PAQR5: variants seen among roughly 807,000 people sequenced by gnomAD.
PAQR5 encodes the protein progestin and adipoQ receptor family member 5.
A neutral mutation model predicts 34.5 loss-of-function variants in PAQR5; 20 were observed. The ratio of observed to expected loss-of-function variants is 0.58; its 90% CI spans 0.41 to 0.84. PAQR5 has a LOEUF of 0.84. PAQR5 is among the 40% of genes least tolerant of loss of function. The probability of loss-of-function intolerance (pLI) is 0.00; values close to 1 mark genes in which losing one functional copy is unlikely to be tolerated. For missense variants in PAQR5, 378 were observed against 412.7 expected (o/e 0.92, Z 0.73); for synonymous variants, 131 against 155.6 (o/e 0.84, Z 1.18).
At chr15:69,394,668 C>T (rs1166953728) in intron 6 of PAQR5, among the ~76,000 whole-genome samples, 1 of 152,210 alleles carries the variant, frequency 6.6e-6, no homozygotes, top group Non-Finnish European at 1.5e-5. Flanking sequence ...TCCTCTATAG[C>T]AGCCCCTTAG....
chr15:69,384,113 G>A (rs1366704787), intron 4 of PAQR5, among the ~76,000 whole-genome samples: 2 of 135,846 alleles, frequency 1.5e-5, no homozygotes, highest in Non-Finnish European at 3.2e-5. Flanking sequence ...TGGAGGGTGA[G>A]TGGGCCTCTG....
intron 6 of PAQR5, among the ~76,000 whole-genome samples, chr15:69,390,011 T>G (rs555762564): frequency 1.3e-5 from 2 of 152,160 alleles, no homozygotes; most frequent in Non-Finnish European, 2.9e-5. Context: ...TCTGCTGCCT[T>G]TTTTTGTTTT....
chr15:69,318,405 T>C (rs894364217), intron 1 of PAQR5, among the ~76,000 whole-genome samples: 3 of 152,202 alleles, frequency 2.0e-5, no homozygotes, highest in African/African-American at 4.8e-5. Context: ...CCCTCAGAGA[T>C]GTCTGTCTCC....
At chr15:69,309,512 TGAA>T (rs1056815245) in intron 1 of PAQR5, among the ~76,000 whole-genome samples, 1 of 151,598 alleles carries the variant, frequency 6.6e-6, no homozygotes, top group Non-Finnish European at 1.5e-5. Context: ...GAGGAGAGAG[TGAA>T]GAAGCCAGAA....
chr15:69,312,795 A>T (rs870334), intron 1 of PAQR5, among the ~76,000 whole-genome samples: 62,787 of 151,340 alleles, frequency 0.41, 13,271 homozygotes, highest in African/African-American at 0.52. Flanking sequence ...ATGGCATTGC[A>T]GTACTGAAGC....
chr15:69,304,484 A>C (rs920229590), intron 1 of PAQR5, among the ~76,000 whole-genome samples: 2 of 152,218 alleles, frequency 1.3e-5, no homozygotes, highest in African/African-American at 2.4e-5. Context: ...GCAGGATGGC[A>C]GTGAGGATCC....
chr15:69,386,721 G>A (rs956993276), intron 5 of PAQR5, among the ~76,000 whole-genome samples: 5 of 151,694 alleles, frequency 3.3e-5, no homozygotes, highest in Non-Finnish European at 7.4e-5. Flanking sequence ...CACACGATCC[G>A]GCTCCCCAGA....
At chr15:69,341,353 CTTTTTTT>C (rs370642387) in intron 2 of PAQR5, among the ~76,000 whole-genome samples, 4 of 117,716 alleles carry the variant, frequency 3.4e-5, no homozygotes, top group Non-Finnish European at 6.6e-5. Context: ...AATTCTATTC[CTTTTTTT>C]TTTTTTTTTT....
rs1394931369 is a variant in PAQR5, at chr15:69,389,787, G to T, written c.512+7G>T. The T allele has an allele frequency of 6.2e-7, 1 of 1,613,884 alleles. No individual in the cohort carries two copies. Among genetic ancestry groups the T allele is most frequent in the African/African-American group, 1.3e-5 (1 of 74,906 alleles). ...GCCTCTCCTGCTACTCCAGGTACTG[G>T]TCGCTCTGACCTCAGATGGGAGGGG... On this transcript the variant is annotated splice_region_variant and intron_variant, in intron 6 of 8. Coordinates refer to ENST00000395407, the MANE Select transcript of PAQR5 (RefSeq NM_017705.4).
At chr15:69,328,298 A>T (rs1055034166) in intron 1 of PAQR5, among the ~76,000 whole-genome samples, 2 of 152,238 alleles carry the variant, frequency 1.3e-5, no homozygotes, top group Non-Finnish European at 2.9e-5. Flanking sequence ...TTTATAAGCT[A>T]AGGATAGAGA....
In PAQR5 at chr15:69,400,708, G is replaced by A. The variant is rs2056601331; in HGVS notation, c.751+593G>A. Among the ~76,000 whole-genome samples the A allele has an allele frequency of 1.3e-5, 2 of 152,148 alleles. 1 individual carries two copies. Among genetic ancestry groups the A allele is most frequent in the South Asian group, 4.1e-4 (2 of 4,824 alleles). Reference sequence around the variant, plus strand: ...AAAGTACATTGGGAGCAGCCGAGGAGAGGAAGAGGAAAGAAAGGATGAAGA... The same window carrying A: ...AAAGTACATTGGGAGCAGCCGAGGAAAGGAAGAGGAAAGAAAGGATGAAGA... On this transcript the variant is annotated intron_variant, in intron 8 of 8. Transcript: ENST00000395407.
At position 69,403,764 on chromosome 15, in the gene PAQR5, A is replaced by G; in HGVS notation, c.935A>G (p.Tyr312Cys). 6.2e-7 allele frequency: 1 copy of G among 1,613,982 alleles called. No homozygotes were observed. Among genetic ancestry groups the G allele is most frequent in the South Asian group, 1.1e-5 (1 of 91,080 alleles). Reference protein sequence around the residue: ...CIIFSLSNIIYFSAALYRIPK... With the variant: ...CIIFSLSNIICFSAALYRIPK... ...ATCTTCAGCCTCAGCAACATAATTTATTTCTCAGCTGCTCTGTATCGGATT... is the reference window on the plus strand; with the variant it reads ...ATCTTCAGCCTCAGCAACATAATTTGTTTCTCAGCTGCTCTGTATCGGATT... Residue 312 changes from tyrosine (Y) to cysteine (C), a missense_variant, in exon 9 of 9, where the codon TAT (tyrosine) becomes TGT (cysteine). Physicochemically the swap from Tyr to Cys is radical, Grantham distance 194. Transcript: ENST00000395407.
At chr15:69,390,317 GTTTTTTATTTATTTATTTAT>G (rs1378016352) in intron 6 of PAQR5, among the ~76,000 whole-genome samples, 15 of 130,522 alleles carry the variant, frequency 1.1e-4, no homozygotes, top group African/African-American at 4.2e-4. Context: ...TGCCTGACCT[GTTTTTTATTTATTTATTTAT>G]TTATTTATTT....
Position 69,378,264 on chromosome 15 carries a change from T to TAAAAAAAAAAA in PAQR5, c.52-1603_52-1593dup, listed in dbSNP as rs71149912. 2.2e-3 allele frequency among the ~76,000 whole-genome samples: 132 copies of TAAAAAAAAAAA among 59,692 alleles called. 9 individuals are homozygous for TAAAAAAAAAAA. The highest frequency in any genetic ancestry group is 0.011 in the African/African-American group (127 of 11,862). 39.2% of individuals were successfully genotyped at this position (59,692 alleles called of 152,430 possible). ...TGGGCAACAAAATGAGACTCCATCT[T>TAAAAAAAAAAA]AAAAAAAAAAAAAAAAAAAAAAAAA... On this transcript the variant is annotated intron_variant, in intron 3 of 8. Transcript: ENST00000395407.
chr15:69,343,907 CAGAT>C (rs983335818), intron 2 of PAQR5, among the ~76,000 whole-genome samples: 12 of 152,184 alleles, frequency 7.9e-5, no homozygotes, highest in Non-Finnish European at 1.6e-4. Flanking sequence ...AGCAAGCAGA[CAGAT>C]AAACAGTATA....
intron 2 of PAQR5, among the ~76,000 whole-genome samples, chr15:69,347,986 T>C (rs528729549): frequency 2.0e-5 from 3 of 152,080 alleles, no homozygotes; most frequent in Non-Finnish European, 4.4e-5. Context: ...CAGAGGGCAG[T>C]TTCAAAGCCT....
At chr15:69,390,011 T>TTTTTTG (rs2056213190) in intron 6 of PAQR5, among the ~76,000 whole-genome samples, 1 of 152,160 alleles carries the variant, frequency 6.6e-6, no homozygotes, top group African/African-American at 2.4e-5. Flanking sequence ...TCTGCTGCCT[T>TTTTTTG]TTTTTGTTTT....
chr15:69,384,988 TC>T, intron 5 of PAQR5, 106 bp downstream of exon 5: 1 of 799,678 alleles, frequency 1.3e-6, no homozygotes, highest in Non-Finnish European at 2.1e-6. Flanking sequence ...TGCAGAAGAA[TC>T]CAGGGATTAT....
intron 2 of PAQR5, among the ~76,000 whole-genome samples, chr15:69,346,297 A>ATTTTTTT (rs34728909): frequency 4.9e-5 from 4 of 81,490 alleles, no homozygotes; most frequent in African/African-American, 1.1e-4. Flanking sequence ...ATATTTTGTA[A>ATTTTTTT]TTTTTTTTTT....
Sources: allele counts gnomAD v4.1 joint callset (sites outside exome capture counted in the v4.1 genomes callset), GRCh38; gene constraint gnomAD v4.1.1; transcripts MANE v1.5; gene names NCBI Gene and HGNC (gene_info 2026-07-23, HGNC 2026-07-21).